Variants in TENM3 observed in about 807,000 individuals in gnomAD.
The protein encoded by TENM3 is teneurin transmembrane protein 3, also known as teneurin-3.
In TENM3, 63 loss-of-function variants were observed where a neutral mutation model predicts 255.1. That is an observed-to-expected ratio of 0.25 (90% CI 0.20 to 0.30). The LOEUF is 0.30. Ranked by LOEUF, TENM3 falls within the 10% of genes least tolerant of loss-of-function variation. The pLI, the probability that TENM3 is intolerant of heterozygous loss-of-function variation, is 1.00. For missense variants in TENM3, 2,929 were observed against 3,461.1 expected (o/e 0.85, Z 3.86); for synonymous variants, 1,306 against 1,322.3 (o/e 0.99, Z 0.27).
At chr4:181,869,900 G>A in the TENM3 span, among the ~76,000 whole-genome samples, 1 of 152,090 alleles carries the variant, frequency 6.6e-6, no homozygotes, top group African/African-American at 2.4e-5. Context: ...GTTGGAAATT[G>A]CAGAAGTAGA....
At chr4:181,706,673 C>T in the TENM3 span, among the ~76,000 whole-genome samples, 1 of 152,176 alleles carries the variant, frequency 6.6e-6, no homozygotes, top group African/African-American at 2.4e-5. Context: ...GCGAAGGAAG[C>T]TGGTTCCGCA....
intron 1 of TENM3, among the ~76,000 whole-genome samples, chr4:182,272,769 G>C (rs1185942537): frequency 6.6e-6 from 1 of 152,180 alleles, no homozygotes; most frequent in Non-Finnish European, 1.5e-5. Context: ...GAAGAGAAAA[G>C]TCAGTGTGCA....
At chr4:182,529,727 C>G (rs1008607552) in intron 3 of TENM3, among the ~76,000 whole-genome samples, 1 of 152,044 alleles carries the variant, frequency 6.6e-6, no homozygotes, top group Non-Finnish European at 1.5e-5. Flanking sequence ...AATATTTGTT[C>G]AACACCAATT....
intron 1 of TENM3, among the ~76,000 whole-genome samples, chr4:182,312,154 T>A (rs1762483713): frequency 6.6e-6 from 1 of 152,156 alleles, no homozygotes; most frequent in Non-Finnish European, 1.5e-5. Flanking sequence ...GCTGTTAGGT[T>A]TAGAAATGCA....
the TENM3 span, among the ~76,000 whole-genome samples, chr4:181,876,013 T>G: frequency 1.3e-5 from 2 of 152,232 alleles, no homozygotes; most frequent in African/African-American, 4.8e-5. Context: ...TCCTCCTCTT[T>G]AAAGGTACAA....
At chr4:181,743,183 TA>T in the TENM3 span, among the ~76,000 whole-genome samples, 1 of 152,148 alleles carries the variant, frequency 6.6e-6, no homozygotes, top group Non-Finnish European at 1.5e-5. Context: ...GTCCTTTGGG[TA>T]TATACCCAGT....
chr4:181,861,109 A>G, the TENM3 span, among the ~76,000 whole-genome samples: 5 of 152,338 alleles, frequency 3.3e-5, no homozygotes, highest in African/African-American at 1.2e-4. Context: ...CCCTTGTGCT[A>G]TAAAGCTTGA....
At chr4:182,274,088 A>G (rs1384331856) in intron 1 of TENM3, among the ~76,000 whole-genome samples, 2 of 152,208 alleles carry the variant, frequency 1.3e-5, no homozygotes, top group African/African-American at 4.8e-5. Flanking sequence ...ATGAGTGAGC[A>G]GGGCAAACTG....
At chr4:182,518,737 C>T (rs1310771981) in intron 3 of TENM3, among the ~76,000 whole-genome samples, 2 of 152,114 alleles carry the variant, frequency 1.3e-5, no homozygotes, top group Non-Finnish European at 2.9e-5. Context: ...GTAACTCAGA[C>T]CTGGACCTTC....
In TENM3 at chr4:182,803,021, T is replaced by C. The variant is rs1326818894; in HGVS notation, c.*2670T>C. The C allele has an allele frequency of 2.0e-5, 3 of 152,624 alleles. No homozygotes were observed. Among genetic ancestry groups the C allele is most frequent in the African/African-American group, 4.8e-5 (2 of 41,454 alleles). The allele number at this position is 152,624 out of a possible 1,614,324, so 9.5% of individuals were successfully genotyped here. On this transcript the variant is annotated 3_prime_UTR_variant, in exon 28 of 28. Coordinates refer to ENST00000511685, the MANE Select transcript of TENM3 (RefSeq NM_001080477.4). ...GGCATTCCAATAAAAGCCAACCCAA[T>C]GTGTGTGTGTTTTTATATTTTTTCA...
At chr4:182,343,993 G>A (rs1429291500) in intron 2 of TENM3, among the ~76,000 whole-genome samples, 1 of 152,128 alleles carries the variant, frequency 6.6e-6, no homozygotes, top group Non-Finnish European at 1.5e-5. Context: ...GTTGCTATTT[G>A]AAAATGAGTT....
the TENM3 span, among the ~76,000 whole-genome samples, chr4:181,499,923 T>C: frequency 3.9e-5 from 6 of 152,218 alleles, no homozygotes; most frequent in Non-Finnish European, 8.8e-5. Flanking sequence ...AGACCCATCA[T>C]ACTGCTCCAG....
the TENM3 span, among the ~76,000 whole-genome samples, chr4:182,013,837 T>C: frequency 2.6e-5 from 4 of 151,206 alleles, no homozygotes; most frequent in East Asian, 7.8e-4. Flanking sequence ...TATAGAACTA[T>C]AATTATTATG....
chr4:182,175,123 G>T (rs1443748452), intron 1 of TENM3, among the ~76,000 whole-genome samples: 1 of 151,750 alleles, frequency 6.6e-6, no homozygotes, highest in East Asian at 1.9e-4. Context: ...AATATATTTT[G>T]TCTTTTCACT....
intron 3 of TENM3, among the ~76,000 whole-genome samples, chr4:182,382,145 C>T (rs182460556): frequency 5.3e-5 from 8 of 152,134 alleles, no homozygotes; most frequent in Admixed American, 3.3e-4. Flanking sequence ...AGGATGTTAT[C>T]GCTAAAGATA....
chr4:182,137,835 T>C, the TENM3 span, among the ~76,000 whole-genome samples: 3 of 152,236 alleles, frequency 2.0e-5, no homozygotes, highest in Non-Finnish European at 4.4e-5. Flanking sequence ...TTAGTACTAT[T>C]ATCTGTAACA....
chr4:182,246,556 C>G (rs994479830), intron 1 of TENM3, among the ~76,000 whole-genome samples: 1 of 152,116 alleles, frequency 6.6e-6, no homozygotes, highest in African/African-American at 2.4e-5. Flanking sequence ...AGCAAACCAG[C>G]CCTCCTTCTA....
intron 1 of TENM3, among the ~76,000 whole-genome samples, chr4:182,207,698 AT>A (rs1754679684): frequency 6.6e-6 from 1 of 152,238 alleles, no homozygotes; most frequent in African/African-American, 2.4e-5. Context: ...ATTTCTTAAT[AT>A]GTAAAAGCTT....
At chr4:181,704,373 A>G in the TENM3 span, among the ~76,000 whole-genome samples, 3 of 152,142 alleles carry the variant, frequency 2.0e-5, no homozygotes, top group Admixed American at 6.5e-5. Context: ...TGGGTAGGAG[A>G]TTAAGAGAGA....
Sources: gnomAD v4.1 joint callset for allele counts (sites outside exome capture counted in the v4.1 genomes callset) on GRCh38, gnomAD v4.1.1 for gene constraint, MANE v1.5 for transcripts, NCBI Gene and HGNC (gene_info 2026-07-23, HGNC 2026-07-21) for gene names.